The following INTS6 variants were observed in gnomAD, a reference collection of about 807,000 sequenced individuals.
INTS6 encodes the protein integrator complex subunit 6.
INTS6 carries 16 observed loss-of-function variants against 104.9 expected under a neutral mutation model. The ratio of observed to expected loss-of-function variants is 0.15; its 90% CI spans 0.10 to 0.23. The LOEUF is 0.23. INTS6 is among the 10% of genes least tolerant of loss of function. INTS6 has a pLI of 1.00. For missense variants in INTS6, 584 were observed against 1,062.8 expected, an observed-to-expected ratio of 0.55 and a Z score of 6.26; for synonymous variants, 324 against 358.7, an observed-to-expected ratio of 0.90 and a Z score of 1.09.
intron 12 of INTS6, among the ~76,000 whole-genome samples, chr13:51,377,020 G>C (rs1411779950): frequency 2.0e-5 from 3 of 151,994 alleles, no homozygotes; most frequent in East Asian, 1.9e-4. Context: ...ATGTTAGGAG[G>C]GTTGCTCCAC....
chr13:51,447,340 A>G (rs1384585058), intron 3 of INTS6: 2 of 152,146 alleles, frequency 1.3e-5, no homozygotes, highest in African/African-American at 2.4e-5. Flanking sequence ...AGGTAAAGGG[A>G]AAAAAAAGTA....
At chr13:51,399,223 T>C (rs1006740236) in intron 4 of INTS6, among the ~76,000 whole-genome samples, 3 of 150,326 alleles carry the variant, frequency 2.0e-5, no homozygotes, top group African/African-American at 7.3e-5. Flanking sequence ...TTTTATTTTT[T>C]AGAGACAAGC....
At chr13:51,450,526 T>G (rs1221815753) in intron 3 of INTS6, 8 of 985,094 alleles carry the variant, frequency 8.1e-6, no homozygotes, top group Admixed American at 6.2e-5. Flanking sequence ...AAAACTTAAA[T>G]GTTCTCAGCC....
intron 4 of INTS6, among the ~76,000 whole-genome samples, chr13:51,396,126 G>T (rs1956333259): frequency 6.6e-6 from 1 of 151,940 alleles, no homozygotes; most frequent in South Asian, 2.1e-4. Context: ...AAAAAAAATA[G>T]ACCTCAAAAA....
downstream of INTS6, chr13:51,354,070 C>A (rs1336709476): frequency 6.6e-6 from 1 of 152,126 alleles, no homozygotes; most frequent in African/African-American, 2.4e-5. Context: ...AAAGTGCACA[C>A]AGCAAATATG....
In INTS6 at chr13:51,364,271, C is replaced by T; in HGVS notation, c.*1481G>A. 2.0e-6 allele frequency: 3 copies of T among 1,477,682 alleles called. No homozygotes were observed. The highest frequency in any genetic ancestry group is 1.3e-5 in the South Asian group (1 of 79,962). 91.5% of individuals were successfully genotyped at this position (1,477,682 alleles called of 1,614,324 possible). A position where few individuals can be genotyped will look rare whatever the true frequency, so the allele number is the denominator to read the frequency against. The stretch of plus-strand genomic sequence containing the variant: ...CTTCAGTATTGGGAGAGTTTCAAAT[C>T]CCCTAGACTAAATGCATGTTCTCCA... On this transcript the variant is annotated 3_prime_UTR_variant, in exon 18 of 18. Transcript: ENST00000311234.
At chr13:51,359,065 A>T (rs182151285), downstream of INTS6, among the ~76,000 whole-genome samples, 1 of 152,216 alleles carries the variant, frequency 6.6e-6, no homozygotes, top group Non-Finnish European at 1.5e-5. Context: ...CATATAATTA[A>T]TCATGGAACC....
At chr13:51,417,525 G>T (rs1315008021) in intron 4 of INTS6, among the ~76,000 whole-genome samples, 1 of 144,780 alleles carries the variant, frequency 6.9e-6, no homozygotes, top group Non-Finnish European at 1.5e-5. Context: ...CGCGATCTCA[G>T]CTCCCTGCAA....
chr13:51,395,230 A>G, intron 5 of INTS6, 70 bp downstream of exon 5: 1 of 1,411,504 alleles, frequency 7.1e-7, no homozygotes. Flanking sequence ...GAGCTTTTGA[A>G]TGTACACTTT....
intron 3 of INTS6, chr13:51,443,142 A>C (rs1004495706): frequency 6.6e-6 from 1 of 152,234 alleles, no homozygotes; most frequent in Non-Finnish European, 1.5e-5. Context: ...TAAAATCTCC[A>C]TAACTGTTCT....
At chr13:51,355,227 G>A in intron 3 of INTS6, 1 of 523,200 alleles carries the variant, frequency 1.9e-6, no homozygotes, top group Non-Finnish European at 3.4e-6. Flanking sequence ...TCTCATTTCA[G>A]AGTCAACATT....
At chr13:51,343,340 A>G in the INTS6 span, among the ~76,000 whole-genome samples, 15 of 152,220 alleles carry the variant, frequency 9.9e-5, no homozygotes, top group Admixed American at 9.2e-4. Context: ...TGTGTCAGGA[A>G]TGAGAAGCTT....
In INTS6 at chr13:51,362,238, C is replaced by A; in HGVS notation, c.*3514G>T. ...TCTTGCCCTTTTTTCCCTTTGTCCC[C>A]TAGCTTTCTTATCATTTTAGAGTTT... On this transcript the variant is annotated 3_prime_UTR_variant, in exon 18 of 18. Coordinates refer to ENST00000311234, the MANE Select transcript of INTS6 (RefSeq NM_012141.3). The A allele has an allele frequency of 2.2e-6, 1 of 446,224 alleles. No individual in the cohort carries two copies. The highest frequency in any genetic ancestry group is 3.7e-6 in the Non-Finnish European group (1 of 268,388). The allele number at this position is 446,224 out of a possible 1,614,324, so 27.6% of individuals were successfully genotyped here. A position where few individuals can be genotyped will look rare whatever the true frequency, so the allele number is the denominator to read the frequency against.
intron 6 of INTS6, among the ~76,000 whole-genome samples, chr13:51,388,377 T>TTTTTTG (rs569751540): frequency 6.6e-6 from 1 of 151,816 alleles, no homozygotes; most frequent in African/African-American, 2.4e-5. Flanking sequence ...TGTTTTGTTT[T>TTTTTTG]TTTTTGTTTT....
chr13:51,335,624 A>C, the INTS6 span: 1 of 152,330 alleles, frequency 6.6e-6, no homozygotes, highest in East Asian at 1.9e-4. Flanking sequence ...ATCCTAGGGA[A>C]ATTCCCGCAC....
chr13:51,450,213 C>T (rs1226028137), intron 3 of INTS6: 17 of 984,742 alleles, frequency 1.7e-5, no homozygotes, highest in Non-Finnish European at 2.0e-5. Context: ...TCCTTTGTTA[C>T]ATGTAACATT....
chr13:51,448,263 T>C (rs1169683383), intron 3 of INTS6: 1 of 152,230 alleles, frequency 6.6e-6, no homozygotes, highest in Non-Finnish European at 1.5e-5. Context: ...GAAAAACTTA[T>C]GTATCAAATT....
At chr13:51,384,667 T>G (rs1041017895) in intron 7 of INTS6, 2 of 456,624 alleles carry the variant, frequency 4.4e-6, no homozygotes, top group African/African-American at 4.0e-5. Context: ...TTATTCTTGA[T>G]ATCTTCCCCT....
chr13:51,348,185 GCTGACCT>G, the INTS6 span: 9 of 1,532,936 alleles, frequency 5.9e-6, no homozygotes, highest in Non-Finnish European at 8.0e-6. Flanking sequence ...CTGGGACAGA[GCTGACCT>G]CTGATCCACT....
Sources: gnomAD v4.1 joint callset for allele counts (sites outside exome capture counted in the v4.1 genomes callset) on GRCh38, gnomAD v4.1.1 for gene constraint, MANE v1.5 for transcripts, NCBI Gene and HGNC (gene_info 2026-07-23, HGNC 2026-07-21) for gene names.